Variants in XDH observed in about 807,000 individuals in gnomAD.
The protein encoded by XDH is xanthine dehydrogenase/oxidase.
A neutral mutation model predicts 156.1 loss-of-function variants in XDH; 138 were observed. That is an observed-to-expected ratio of 0.88 (90% confidence interval 0.77 to 1.02). The LOEUF (loss-of-function observed/expected upper bound fraction) is 1.02. XDH is among the 50% of genes least tolerant of loss of function. The pLI is 0.00. For synonymous variants in XDH, 669 were observed against 625.7 expected (o/e 1.07, Z -1.03); for missense variants, 1,849 against 1,684.9 (o/e 1.10, Z -1.71).
rs1037935831 is a variant in XDH at position 31,394,325 on chromosome 2, A to T, written c.495+3343T>A. ...TTAGGTGCTTTGGTTTTTTCTTTCAATACTTTAAGTATTTCTCTCCATGCC... is the reference window on the plus strand; with the variant it reads ...TTAGGTGCTTTGGTTTTTTCTTTCATTACTTTAAGTATTTCTCTCCATGCC... On this transcript the variant is annotated intron_variant, in intron 6 of 35. Transcript: ENST00000379416. Among the ~76,000 whole-genome samples, 3 of 152,228 alleles carry T rather than the reference A, an allele frequency of 2.0e-5. No individual in the cohort carries two copies. In the East Asian group the frequency reaches 5.8e-4, roughly 29 times the overall value.
intron 24 of XDH, among the ~76,000 whole-genome samples, chr2:31,356,433 G>A (rs1171556659): frequency 6.6e-6 from 1 of 152,198 alleles, no homozygotes. Context: ...AACCATTGGA[G>A]TGGATCCTAA....
chr2:31,338,491 T>C (rs1420790691), intron 34 of XDH, among the ~76,000 whole-genome samples: 1 of 152,238 alleles, frequency 6.6e-6, no homozygotes, highest in East Asian at 1.9e-4. Flanking sequence ...AGTATGACAG[T>C]CAATGGCAAG....
intron 30 of XDH, among the ~76,000 whole-genome samples, chr2:31,345,739 GTGTA>G (rs1189221189): frequency 6.6e-6 from 1 of 152,156 alleles, no homozygotes; most frequent in Non-Finnish European, 1.5e-5. Context: ...ACATGCGCAT[GTGTA>G]TGTATGTGTT....
intron 15 of XDH, among the ~76,000 whole-genome samples, chr2:31,375,023 CTT>C (rs60340656): frequency 7.7e-4 from 71 of 92,328 alleles, no homozygotes; most frequent in African/African-American, 2.6e-3. Context: ...TTCTTTCTTT[CTT>C]TTTTTTTTTT....
chr2:31,342,220 G>A lies in XDH; in HGVS notation c.3482C>T (p.Ser1161Phe), dbSNP rs750365422. 1 of 1,614,102 alleles carries A rather than the reference G, an allele frequency of 6.2e-7. No individual in the cohort carries two copies. The highest frequency in any genetic ancestry group is 8.5e-7 in the Non-Finnish European group (1 of 1,180,000). The change falls in exon 32 of 36, where the codon TCT (serine) becomes TTT (phenylalanine). Residue 1161 changes from serine to phenylalanine, a missense_variant. Ser to Phe is a radical substitution (Grantham distance 155, BLOSUM62 -2). Transcript: ENST00000379416. ...TGTTAGGCAGTCGATTTCTACTTCA[G>A]AGCAAGCCACCCCATAGCTGAAGTA... ...FHYFSYGVAC[S>F]EVEIDCLTGD...
At chr2:31,382,870 C>T in intron 11 of XDH, 131 bp downstream of exon 11, 1 of 1,359,882 alleles carries the variant, frequency 7.4e-7, no homozygotes, top group Non-Finnish European at 1.0e-6. Flanking sequence ...TTAACAAGCA[C>T]TGCTCCTCCC....
At position 31,395,256 on chromosome 2, in the gene XDH, G is replaced by A. The variant is rs114747823; in HGVS notation, c.495+2412C>T. ...CCGCTCACCTGTGAACTTCACAAGC[G>A]CTTCTCAGGGTTTTTTTTCTCCGTT... On this transcript the variant is annotated intron_variant, in intron 6 of 35. Transcript: ENST00000379416. Among the ~76,000 whole-genome samples the A allele has an allele frequency of 4.8e-3, 727 of 152,204 alleles. 3 individuals carry two copies. The highest frequency in any genetic ancestry group is 7.5e-3 in the Non-Finnish European group (509 of 67,994).
chr2:31,375,810 G>A (rs984743948), intron 14 of XDH, among the ~76,000 whole-genome samples: 1 of 152,142 alleles, frequency 6.6e-6, no homozygotes, highest in Non-Finnish European at 1.5e-5. Context: ...CAATGTGCCA[G>A]GCAACATCTT....
In XDH at chr2:31,346,707, G is replaced by A. The variant is rs866924376; in HGVS notation, c.3351+62C>T. On this transcript the variant is annotated intron_variant, in intron 30 of 35. Coordinates refer to ENST00000379416, the MANE Select transcript of XDH (RefSeq NM_000379.4). ...CCTATTACTTGTTCGGATTCGGAAC[G>A]GAGGCCCTGCTGTCAATTTCCCTCT... is the stretch of plus-strand genomic sequence containing the variant. 1.9e-5 allele frequency: 31 copies of A among 1,590,430 alleles called. No individual in the cohort carries two copies. In the South Asian group the frequency reaches 2.0e-4, roughly 10 times the overall value.
rs747632539 is a variant in XDH at position 31,349,806 on chromosome 2, TC to T, written c.2848del (p.Glu950LysfsTer4). On this transcript the variant is annotated frameshift_variant, in exon 26 of 36. Transcript: ENST00000379416. LOFTEE classifies it high-confidence loss of function. ...CTGGTTGAAGTGTGTCAGGTCCCCT[TC>T]TTTGTACAGGTTTTTTCTCCGCACC... ...EEVRRKNLYK[E>X]GDLTHFNQKL... 6.2e-7 allele frequency: 1 copy of T among 1,614,104 alleles called. No individual in the cohort carries two copies. Among genetic ancestry groups the T allele is most frequent in the Non-Finnish European group, 8.5e-7 (1 of 1,180,010 alleles).
chr2:31,361,075 T>A (rs1253425055), intron 24 of XDH, among the ~76,000 whole-genome samples: 2 of 152,274 alleles, frequency 1.3e-5, no homozygotes, highest in African/African-American at 4.8e-5. Context: ...TAATTCCAAC[T>A]GTTGAAGTAG....
intron 6 of XDH, among the ~76,000 whole-genome samples, chr2:31,396,145 G>T (rs900100529): frequency 6.6e-6 from 1 of 152,180 alleles, no homozygotes; most frequent in Non-Finnish European, 1.5e-5. Context: ...AGCACCTTTT[G>T]TGTGTCAGGC....
At chr2:31,340,405 C>T (rs1685095416) in intron 33 of XDH, among the ~76,000 whole-genome samples, 2 of 152,174 alleles carry the variant, frequency 1.3e-5, no homozygotes, top group Non-Finnish European at 2.9e-5. Context: ...TATTTTCTAC[C>T]AGATGCTCAG....
At chr2:31,370,013 A>G (rs1407985641) in intron 18 of XDH, among the ~76,000 whole-genome samples, 3 of 152,200 alleles carry the variant, frequency 2.0e-5, no homozygotes, top group African/African-American at 7.2e-5. Context: ...TGGTATTGTG[A>G]TTTCTAGTTA....
intron 4 of XDH, among the ~76,000 whole-genome samples, chr2:31,400,863 G>C (rs1209688774): frequency 6.6e-6 from 1 of 152,212 alleles, no homozygotes; most frequent in Non-Finnish European, 1.5e-5. Context: ...TCAAATCTGG[G>C]AAGGCTGGGA....
chr2:31,337,208 T>C, intron 35 of XDH, among the ~76,000 whole-genome samples: 1 of 152,102 alleles, frequency 6.6e-6, no homozygotes, highest in East Asian at 1.9e-4. Context: ...AGGACAAATG[T>C]GGTTGATCTA....
intron 3 of XDH, among the ~76,000 whole-genome samples, chr2:31,402,104 T>G (rs774873235): frequency 6.6e-6 from 1 of 151,624 alleles, no homozygotes; most frequent in Non-Finnish European, 1.5e-5. Context: ...TGACCTAAAC[T>G]GTGCTTGATT....
rs1269384885 is a variant in XDH at position 31,347,559 on chromosome 2, G to A, written c.3239C>T (p.Ala1080Val). 2 of 1,614,028 alleles carry A rather than the reference G, an allele frequency of 1.2e-6. No individual in the cohort carries two copies. Among genetic ancestry groups the A allele is most frequent in the Non-Finnish European group, 1.7e-6 (2 of 1,180,040 alleles). Residue 1080 changes from alanine to valine, a missense_variant, in exon 29 of 36, where the codon GCC becomes GTC. Coordinates refer to ENST00000379416, the MANE Select transcript of XDH (RefSeq NM_000379.4). ...TCCATTGAGGTCAGCGCTGACAGAG[G>A]CAGCCGTGGGAGAGGTGTTGGGCAC... ...NTVPNTSPTA[A>V]SVSADLNGQA...
rs1403617469 is a variant in XDH at position 31,403,105 on chromosome 2, C to G, written c.140G>C (p.Gly47Ala). 6.2e-7 allele frequency: 1 copy of G among 1,614,018 alleles called. No individual in the cohort carries two copies. Among genetic ancestry groups the G allele is most frequent in the African/African-American group, 1.3e-5 (1 of 74,934 alleles). Residue 47 changes from glycine to alanine, a missense_variant, in exon 3 of 36, where the codon GGC becomes GCC. Transcript: ENST00000379416. ...GAGCATCACTGTGCAAGCCCCGCAG[C>G]CCCCCTCTCCACAGCCGAGCTTGGT... is the stretch of plus-strand genomic sequence containing the variant. Reference protein sequence around the residue: ...SGTKLGCGEGGCGACTVMLSK... With the variant: ...SGTKLGCGEGACGACTVMLSK...
Sources: gnomAD v4.1 joint callset for allele counts (sites outside exome capture counted in the v4.1 genomes callset) on GRCh38, gnomAD v4.1.1 for gene constraint, MANE v1.5 for transcripts, NCBI Gene and HGNC (gene_info 2026-07-23, HGNC 2026-07-21) for gene names.